Variants in SYT7 observed in about 807,000 individuals in gnomAD.
SYT7 encodes the protein synaptotagmin-7.
In SYT7, 29 loss-of-function variants were observed where a neutral mutation model predicts 75.1. That is an observed-to-expected ratio of 0.39 (90% CI 0.29 to 0.53). The LOEUF is 0.53. Ranked by LOEUF, SYT7 falls within the 20% of genes least tolerant of loss-of-function variation. The probability of loss-of-function intolerance (pLI) is 0.77; values close to 1 mark genes in which losing one functional copy is unlikely to be tolerated. For synonymous variants in SYT7, 376 were observed against 401.7 expected (o/e 0.94, Z 0.76); for missense variants, 693 against 953.2 (o/e 0.73, Z 3.59).
chr11:61,557,614 G>A (rs2063532706), intron 1 of SYT7, among the ~76,000 whole-genome samples: 1 of 152,134 alleles, frequency 6.6e-6, no homozygotes. Context: ...TAGTTGTGGG[G>A]AAAGACCACA....
chr11:61,527,805 A>G (rs529389569), intron 9 of SYT7, 110 bp downstream of exon 9: 74 of 1,304,964 alleles, frequency 5.7e-5, no homozygotes, highest in Admixed American at 1.5e-4. Context: ...GTGGGCCTGC[A>G]GGTGTGTGTA....
rs985045818 is a variant in SYT7 at position 61,551,980 on chromosome 11, G to A, written c.136-517C>T. On this transcript the variant is annotated intron_variant, in intron 2 of 12. Transcript: ENST00000539008. The surrounding 1 kb of genome is among the most constrained non-coding windows in gnomAD (Gnocchi z 5.3). ...CACCACTGTCTGGGGGTTCTCTGGGGGGTCCTTGTGCCCTGGGGCTGTAAG... is the reference window on the plus strand; with the variant it reads ...CACCACTGTCTGGGGGTTCTCTGGGAGGTCCTTGTGCCCTGGGGCTGTAAG... Among the ~76,000 whole-genome samples the A allele has an allele frequency of 1.3e-5, 2 of 152,120 alleles. No homozygotes were observed. Among genetic ancestry groups the A allele is most frequent in the Non-Finnish European group, 2.9e-5 (2 of 67,982 alleles).
In SYT7 at chr11:61,546,190, C is replaced by T. The variant is rs1051203447; in HGVS notation, c.413G>A (p.Arg138Gln). ...AAGLAVEREG[R>Q]LGEKPAPVPP... The stretch of plus-strand genomic sequence containing the variant: ...CACCGGTGCCGGCTTCTCCCCCAGC[C>T]GGCCTTCCCGCTCCACCGCCAGCCC... The change falls in exon 5 of 13, where the codon CGG becomes CAG. Residue 138 changes from arginine (R) to glutamine (Q), a missense_variant. Transcript: ENST00000539008. This position sits in a 1 kb window ranked among gnomAD's most constrained non-coding sequence, Gnocchi z 7.6. The T allele has an allele frequency of 2.1e-5, 32 of 1,517,582 alleles. No homozygotes were observed. In the Middle Eastern group the frequency reaches 1.1e-3, roughly 50 times the overall value. 94.0% of individuals were successfully genotyped at this position (1,517,582 alleles called of 1,614,324 possible). A position where few individuals can be genotyped will look rare whatever the true frequency, so the allele number is the denominator to read the frequency against.
Position 61,581,015 on chromosome 11 carries a change from A to G in SYT7, c.-195T>C. 1.2e-6 allele frequency: 1 copy of G among 801,846 alleles called. No individual in the cohort carries two copies. Among genetic ancestry groups the G allele is most frequent in the Non-Finnish European group, 1.5e-6 (1 of 669,620 alleles). 49.7% of individuals were successfully genotyped at this position (801,846 alleles called of 1,614,324 possible). A position where few individuals can be genotyped will look rare whatever the true frequency, so the allele number is the denominator to read the frequency against. On this transcript the variant is annotated 5_prime_UTR_variant, in exon 1 of 13. Coordinates refer to ENST00000539008, the MANE Select transcript of SYT7 (RefSeq NM_001365809.2). ...CAGCCCTCCCGCCCGCCCGCGGAGC[A>G]CGCTGCCGCCGCCGCCGAACAGCGC...
intron 12 of SYT7, among the ~76,000 whole-genome samples, chr11:61,521,287 C>T (rs1048995966): frequency 1.3e-5 from 2 of 152,226 alleles, no homozygotes; most frequent in Non-Finnish European, 2.9e-5. Flanking sequence ...TCCACATTTG[C>T]TTTGGTTCAG....
chr11:61,554,148 G>A lies in SYT7; in HGVS notation c.135+1956C>T, dbSNP rs561610659. Among the ~76,000 whole-genome samples, 17 of 152,220 alleles carry A rather than the reference G, an allele frequency of 1.1e-4. No homozygotes were observed. The South Asian group carries it at 3.5e-3, about 32-fold the overall frequency. On this transcript the variant is annotated intron_variant, in intron 2 of 12. Coordinates refer to ENST00000539008, the MANE Select transcript of SYT7 (RefSeq NM_001365809.2). The stretch of plus-strand genomic sequence containing the variant: ...TCTCTCAGCTCCCAAGGTCCTTCCT[G>A]TGCTGACAGCCCCCCATCTGCTGCA...
At chr11:61,534,473 A>G (rs896010303) in intron 7 of SYT7, among the ~76,000 whole-genome samples, 3 of 151,008 alleles carry the variant, frequency 2.0e-5, no homozygotes, top group Non-Finnish European at 4.4e-5. Flanking sequence ...GCATATGTAC[A>G]CACACACATG....
intron 3 of SYT7, among the ~76,000 whole-genome samples, chr11:61,550,168 C>T (rs2063307702): frequency 1.3e-5 from 2 of 151,906 alleles, no homozygotes; most frequent in African/African-American, 4.8e-5. Context: ...CCTCCTGAGC[C>T]TCCCGCCCTC....
intron 12 of SYT7, among the ~76,000 whole-genome samples, chr11:61,521,654 T>G (rs1433229346): frequency 2.0e-5 from 3 of 152,186 alleles, no homozygotes; most frequent in Non-Finnish European, 4.4e-5. Context: ...GTCTGAGGGT[T>G]GCCTCCAACT....
chr11:61,570,520 T>C (rs1008335160), intron 1 of SYT7, among the ~76,000 whole-genome samples: 6 of 152,152 alleles, frequency 3.9e-5, no homozygotes, highest in African/African-American at 1.2e-4. Flanking sequence ...TATTCCATTA[T>C]AGGGAAAAAA....
At chr11:61,578,784 C>T (rs941890194) in intron 1 of SYT7, among the ~76,000 whole-genome samples, 7 of 152,196 alleles carry the variant, frequency 4.6e-5, no homozygotes, top group Admixed American at 2.6e-4. Context: ...ATGCCCACAC[C>T]GGAGAGGAGT....
chr11:61,572,124 G>T (rs571252409), intron 1 of SYT7, among the ~76,000 whole-genome samples: 1 of 152,162 alleles, frequency 6.6e-6, no homozygotes, highest in South Asian at 2.1e-4. Context: ...GTTGGGGGGG[G>T]GGCACACAGA....
At chr11:61,544,291 C>T (rs748911689) in intron 5 of SYT7, among the ~76,000 whole-genome samples, 4 of 152,190 alleles carry the variant, frequency 2.6e-5, no homozygotes, top group Non-Finnish European at 5.9e-5. Flanking sequence ...GCTTTGCTCA[C>T]CCTCTGAGCC....
At chr11:61,540,803 A>G (rs2063019245) in intron 6 of SYT7, 2 of 985,496 alleles carry the variant, frequency 2.0e-6, no homozygotes, top group Non-Finnish European at 2.4e-6. Context: ...CAAGCCACGC[A>G]GACCCAATTC....
rs1461214527 is a variant in SYT7 at position 61,551,774 on chromosome 11, AAC to A, written c.136-313_136-312del. On this transcript the variant is annotated intron_variant, in intron 2 of 12. Transcript: ENST00000539008. The surrounding 1 kb of genome is among the most constrained non-coding windows in gnomAD (Gnocchi z 5.3). Reference sequence around the variant, plus strand: ...CTGGGGCTCTGGCCTAGCTCCCAGAAACACAGTTCCCTCTGCCACGGACAGAC... The same window carrying A: ...CTGGGGCTCTGGCCTAGCTCCCAGAAACAGTTCCCTCTGCCACGGACAGAC... 6.6e-6 allele frequency among the ~76,000 whole-genome samples: 1 copy of A among 152,038 alleles called. No homozygotes were observed. Among genetic ancestry groups the A allele is most frequent in the African/African-American group, 2.4e-5 (1 of 41,382 alleles).
chr11:61,526,227 G>A (rs1227406833), intron 9 of SYT7: 1 of 152,232 alleles, frequency 6.6e-6, no homozygotes, highest in Non-Finnish European at 1.5e-5. Context: ...ATTGTGGGAA[G>A]CTGTGTCTTG....
chr11:61,534,214 G>A lies in SYT7; in HGVS notation c.1065-1090C>T, dbSNP rs151088375. ...CTTTGAGAGCACACAGCCACAAACT[G>A]GGAGCCACACGCTGAGGGTGGACAT... On this transcript the variant is annotated intron_variant, in intron 7 of 12. Coordinates refer to ENST00000539008, the MANE Select transcript of SYT7 (RefSeq NM_001365809.2). Among the ~76,000 whole-genome samples the A allele has an allele frequency of 5.9e-3, 901 of 152,332 alleles. 6 individuals carry two copies. The highest frequency in any genetic ancestry group is 0.025 in the South Asian group (120 of 4,830).
chr11:61,579,283 G>C (rs955325354), intron 1 of SYT7, among the ~76,000 whole-genome samples: 2 of 152,246 alleles, frequency 1.3e-5, no homozygotes, highest in African/African-American at 4.8e-5. Flanking sequence ...TCCTGCCACG[G>C]GCCATGGGCT....
intron 7 of SYT7, 83 bp downstream of exon 7, chr11:61,538,061 C>T: frequency 6.6e-7 from 1 of 1,509,938 alleles, no homozygotes. Context: ...CCTCGTCCAG[C>T]AGCCGGGGCC....
Sources: gnomAD v4.1 joint callset for allele counts (sites outside exome capture counted in the v4.1 genomes callset) on GRCh38, gnomAD v4.1.1 for gene constraint, Gnocchi (gnomAD v3.1) non-coding constraint, MANE v1.5 for transcripts, NCBI Gene and HGNC (gene_info 2026-07-23, HGNC 2026-07-21) for gene names.